The following FMN1 variants were observed in gnomAD, a reference collection of about 807,000 sequenced individuals.
FMN1 encodes the protein formin 1, also known as formin-1.
In FMN1, 110 loss-of-function variants were observed where a neutral mutation model predicts 132.4. The observed-to-expected ratio is 0.83, with a 90% CI of 0.71 to 0.97. The LOEUF (loss-of-function observed/expected upper bound fraction) is 0.97. FMN1 is among the 50% of genes least tolerant of loss of function. The pLI is 0.00. For missense variants in FMN1, 1,792 were observed against 1,705.3 expected, an observed-to-expected ratio of 1.05 and a Z score of -0.90; for synonymous variants, 722 against 651.7, an observed-to-expected ratio of 1.11 and a Z score of -1.64.
intron 15 of FMN1, among the ~76,000 whole-genome samples, chr15:32,898,339 T>TG (rs1390081965): frequency 2.0e-5 from 3 of 152,230 alleles, no homozygotes; most frequent in African/African-American, 7.2e-5. Flanking sequence ...TCTGCTCAGA[T>TG]GGACTCACAC....
At chr15:32,932,037 C>G (rs189575961) in intron 9 of FMN1, among the ~76,000 whole-genome samples, 2 of 152,062 alleles carry the variant, frequency 1.3e-5, no homozygotes, top group East Asian at 1.9e-4. Flanking sequence ...ATATGTTGAA[C>G]CTTCCTTGCA....
chr15:32,908,743 A>C (rs1387822380), intron 11 of FMN1, among the ~76,000 whole-genome samples, 165 bp from the exon 12 acceptor site: 2 of 152,038 alleles, frequency 1.3e-5, no homozygotes, highest in East Asian at 1.9e-4. Context: ...GGCCCACCCT[A>C]GACACAAGAA....
intron 6 of FMN1, among the ~76,000 whole-genome samples, chr15:33,032,318 T>C (rs17816699): frequency 0.14 from 21,059 of 152,294 alleles, 1,659 homozygotes; most frequent in Middle Eastern, 0.22. Flanking sequence ...TTCAAAGATG[T>C]AGATGCAAGT....
intron 6 of FMN1, among the ~76,000 whole-genome samples, chr15:33,048,337 G>T (rs1243753181): frequency 6.6e-6 from 1 of 151,978 alleles, no homozygotes; most frequent in South Asian, 2.1e-4. Context: ...TTATATATAA[G>T]AAAGAATCTT....
intron 17 of FMN1, among the ~76,000 whole-genome samples, chr15:32,806,004 A>T (rs2057666706): frequency 1.3e-5 from 2 of 152,202 alleles, no homozygotes; most frequent in Non-Finnish European, 2.9e-5. Context: ...ATCCTTCTCT[A>T]CAATCAGAAG....
intron 9 of FMN1, among the ~76,000 whole-genome samples, chr15:32,958,229 A>AT (rs1026636329): frequency 5.9e-5 from 9 of 152,168 alleles, no homozygotes; most frequent in African/African-American, 1.7e-4. Flanking sequence ...GTGTGGCTAT[A>AT]TTTTGTTGAT....
intron 2 of FMN1, among the ~76,000 whole-genome samples, chr15:33,186,951 AAG>A (rs922069887): frequency 2.0e-5 from 3 of 152,118 alleles, no homozygotes; most frequent in African/African-American, 7.2e-5. Context: ...CAGTTTTGGG[AAG>A]ACATTCCATC....
chr15:33,111,229 A>T (rs2039690410), intron 4 of FMN1, among the ~76,000 whole-genome samples: 1 of 152,196 alleles, frequency 6.6e-6, no homozygotes, highest in Non-Finnish European at 1.5e-5. Flanking sequence ...TTAATTTAAA[A>T]AATAAAAAAA....
At chr15:33,006,721 A>G (rs935009483) in intron 7 of FMN1, among the ~76,000 whole-genome samples, 3 of 152,214 alleles carry the variant, frequency 2.0e-5, no homozygotes, top group African/African-American at 4.8e-5. Context: ...AAAGAAAAAA[A>G]TAATCCTGTC....
intron 6 of FMN1, among the ~76,000 whole-genome samples, chr15:33,035,951 A>T (rs772459315): frequency 6.6e-6 from 1 of 152,118 alleles, no homozygotes; most frequent in Non-Finnish European, 1.5e-5. Context: ...GCTTTATAAG[A>T]AGAGGAAGAG....
chr15:32,918,292 T>A (rs1381313598), intron 10 of FMN1, among the ~76,000 whole-genome samples: 2 of 152,036 alleles, frequency 1.3e-5, no homozygotes, highest in African/African-American at 4.8e-5. Flanking sequence ...CAAACAAAAG[T>A]TGCATCCAAA....
At chr15:33,119,692 A>T (rs996449154) in intron 4 of FMN1, among the ~76,000 whole-genome samples, 1 of 152,114 alleles carries the variant, frequency 6.6e-6, no homozygotes, top group Non-Finnish European at 1.5e-5. Flanking sequence ...ACTTCCAAAA[A>T]TTTTTTCATT....
intron 6 of FMN1, among the ~76,000 whole-genome samples, chr15:33,019,537 C>T (rs960464944): frequency 2.6e-5 from 4 of 152,148 alleles, no homozygotes; most frequent in Non-Finnish European, 4.4e-5. Flanking sequence ...TAGGGGGCGG[C>T]GCTTGTCGGG....
intron 16 of FMN1, among the ~76,000 whole-genome samples, chr15:32,875,730 T>A (rs1562932): frequency 0.51 from 78,192 of 152,026 alleles, 20,317 homozygotes; most frequent in South Asian, 0.55. Context: ...GAGAAGAATC[T>A]CTCTGTGGAT....
At chr15:32,885,134 T>C (rs2059864997) in intron 16 of FMN1, among the ~76,000 whole-genome samples, 1 of 152,354 alleles carries the variant, frequency 6.6e-6, no homozygotes, top group South Asian at 2.1e-4. Flanking sequence ...ACTCAAAGCC[T>C]GATCTTAGTC....
chr15:33,172,906 G>A (rs368518530), intron 3 of FMN1, among the ~76,000 whole-genome samples: 7 of 152,206 alleles, frequency 4.6e-5, no homozygotes, highest in African/African-American at 1.4e-4. Flanking sequence ...ATCAAAGAAT[G>A]TGACTTTAGG....
intron 6 of FMN1, among the ~76,000 whole-genome samples, chr15:33,015,556 A>T (rs2034992971): frequency 6.6e-6 from 1 of 152,226 alleles, no homozygotes; most frequent in Non-Finnish European, 1.5e-5. Flanking sequence ...GATTATGTAC[A>T]GTTAGGAAGT....
intron 5 of FMN1, among the ~76,000 whole-genome samples, chr15:33,069,491 C>T (rs557805475): frequency 6.6e-5 from 10 of 152,300 alleles, no homozygotes; most frequent in African/African-American, 1.9e-4. Context: ...ATTCCTTCTG[C>T]AAAATGGAAA....
chr15:32,925,432 G>T (rs979943269), intron 10 of FMN1, among the ~76,000 whole-genome samples: 1 of 152,110 alleles, frequency 6.6e-6, no homozygotes, highest in Admixed American at 6.5e-5. Flanking sequence ...GGGGACAGGG[G>T]AACATGATAA....
Sources: allele counts gnomAD v4.1 joint callset (sites outside exome capture counted in the v4.1 genomes callset), GRCh38; gene constraint gnomAD v4.1.1; transcripts MANE v1.5; gene names NCBI Gene and HGNC (gene_info 2026-07-23, HGNC 2026-07-21).